Variants in PRSS23 observed in about 807,000 individuals in gnomAD.
The protein encoded by PRSS23 is protease, serine 23.
Under a neutral mutation model 34.7 loss-of-function variants are expected in PRSS23, and 25 were observed. That is an observed-to-expected ratio of 0.72 (90% CI 0.53 to 1.01). The LOEUF (loss-of-function observed/expected upper bound fraction) is 1.01, where lower values mean the gene tolerates loss of function less well. Among genes scored for constraint, PRSS23 ranks in the 50% least tolerant of loss-of-function variants. PRSS23 has a pLI of 0.00. For missense variants in PRSS23, 445 were observed against 475.6 expected (o/e 0.94, Z 0.60); for synonymous variants, 176 against 186.6 (o/e 0.94, Z 0.46).
intron 2 of PRSS23, among the ~76,000 whole-genome samples, chr11:86,824,361 A>AAAATAAAATAAAATAAAATAAAAT (rs1193672467): frequency 1.2e-3 from 182 of 149,326 alleles, no homozygotes; most frequent in African/African-American, 4.2e-3. Context: ...AAAATAAAAT[A>AAAATAAAATAAAATAAAATAAAAT]AAATAAAATA....
At chr11:86,888,064 C>A (rs1399033213) in intron 2 of PRSS23, among the ~76,000 whole-genome samples, 58 of 133,388 alleles carry the variant, frequency 4.3e-4, no homozygotes, top group Non-Finnish European at 6.5e-4. Flanking sequence ...AAAAAAAAAA[C>A]AAAAACAAAA....
intron 2 of PRSS23, among the ~76,000 whole-genome samples, chr11:86,924,307 A>G (rs1949066293): frequency 6.6e-6 from 1 of 152,192 alleles, no homozygotes. Context: ...GAATGTGCTC[A>G]GAGAAGAAAG....
chr11:86,821,083 T>C (rs1205438029), intron 1 of PRSS23: 8 of 367,712 alleles, frequency 2.2e-5, no homozygotes, highest in African/African-American at 2.2e-5. Flanking sequence ...TAAAATGATA[T>C]ATACAGTACA....
intron 2 of PRSS23, among the ~76,000 whole-genome samples, chr11:86,919,916 G>T (rs1336017642): frequency 1.3e-5 from 2 of 152,270 alleles, no homozygotes; most frequent in Admixed American, 1.3e-4. Context: ...TCTCCCCCTA[G>T]ATTCAGAAAA....
chr11:86,808,710 A>C lies in PRSS23; in HGVS notation c.1067A>C (p.Asn356Thr). 1 of 1,614,158 alleles carries C rather than the reference A, an allele frequency of 6.2e-7. No individual in the cohort carries two copies. The change falls in exon 2 of 2, where the codon AAC becomes ACC. Residue 356 changes from asparagine (N) to threonine (T), a missense_variant. Coordinates refer to ENST00000280258, the MANE Select transcript of PRSS23 (RefSeq NM_007173.6). ...ATGAATGGTTCCCCACAGGATTTCA[A>C]CGTGGCTGTCAGAATCACTCCTCTC... is the stretch of plus-strand genomic sequence containing the variant. ...VDMNGSPQDF[N>T]VAVRITPLKY...
At chr11:86,794,142 T>G (rs1947967219) in intron 1 of PRSS23, among the ~76,000 whole-genome samples, 1 of 152,134 alleles carries the variant, frequency 6.6e-6, no homozygotes, top group Non-Finnish European at 1.5e-5. Flanking sequence ...CCAACATTTA[T>G]GGATAAATAT....
At chr11:86,861,638 T>C (rs1233374818) in intron 2 of PRSS23, among the ~76,000 whole-genome samples, 1 of 151,680 alleles carries the variant, frequency 6.6e-6, no homozygotes, top group Non-Finnish European at 1.5e-5. Context: ...GATATTACTC[T>C]TCATATTGCA....
intron 1 of PRSS23, among the ~76,000 whole-genome samples, chr11:86,817,427 C>G (rs1289041927): frequency 6.6e-6 from 1 of 152,186 alleles, no homozygotes; most frequent in Non-Finnish European, 1.5e-5. Context: ...TAGAACTTTT[C>G]TAAATGGCTG....
intron 2 of PRSS23, among the ~76,000 whole-genome samples, chr11:86,930,608 A>T (rs1949117625): frequency 6.6e-6 from 1 of 152,016 alleles, no homozygotes; most frequent in Non-Finnish European, 1.5e-5. Context: ...TAGCAAACAC[A>T]GTGAAACCCC....
chr11:86,838,682 T>C (rs554531992), intron 2 of PRSS23, among the ~76,000 whole-genome samples: 1 of 152,304 alleles, frequency 6.6e-6, no homozygotes, highest in South Asian at 2.1e-4. Context: ...AGTGGGTCCC[T>C]GAACCCTGTG....
intron 2 of PRSS23, among the ~76,000 whole-genome samples, chr11:86,831,861 C>T (rs945864976): frequency 1.3e-5 from 2 of 151,956 alleles, no homozygotes; most frequent in African/African-American, 4.8e-5. Flanking sequence ...CAGTGTTCCT[C>T]CTAATGTCAC....
chr11:86,940,780 T>G (rs976564483), intron 2 of PRSS23: 3 of 152,226 alleles, frequency 2.0e-5, no homozygotes, highest in African/African-American at 7.2e-5. Context: ...ATTCACACAT[T>G]TATCCTTTTC....
At chr11:86,952,554 T>C (rs892755821) in exon 3 of PRSS23, 3 of 1,466,314 alleles carry the variant, frequency 2.0e-6, no homozygotes, top group Admixed American at 1.7e-5. Context: ...CTGAGTTGAA[T>C]GCTTCCAGGC....
chr11:86,861,583 C>T (rs375364819), intron 2 of PRSS23, among the ~76,000 whole-genome samples: 3 of 151,576 alleles, frequency 2.0e-5, no homozygotes, highest in South Asian at 4.2e-4. Flanking sequence ...GGGCGGACAC[C>T]CTTCTGTGAT....
At chr11:86,913,378 TAGCCTTC>T (rs1948990990) in intron 2 of PRSS23, among the ~76,000 whole-genome samples, 1 of 149,104 alleles carries the variant, frequency 6.7e-6, no homozygotes, top group African/African-American at 2.5e-5. Flanking sequence ...TTCTTCTCCA[TAGCCTTC>T]AGGTTTGTAT....
At chr11:86,878,562 G>A (rs1047492825) in intron 2 of PRSS23, among the ~76,000 whole-genome samples, 1 of 152,172 alleles carries the variant, frequency 6.6e-6, no homozygotes, top group East Asian at 1.9e-4. Flanking sequence ...GGTTCACTCA[G>A]TGCTCAATGG....
intron 2 of PRSS23, among the ~76,000 whole-genome samples, chr11:86,833,835 A>C (rs1343274496): frequency 1.3e-5 from 2 of 152,052 alleles, no homozygotes; most frequent in Non-Finnish European, 2.9e-5. Context: ...GGAAAACCCA[A>C]GTACTGTTGG....
chr11:86,824,925 T>C (rs559952884), intron 2 of PRSS23, among the ~76,000 whole-genome samples: 9 of 152,306 alleles, frequency 5.9e-5, no homozygotes, highest in Admixed American at 2.6e-4. Flanking sequence ...TTGTGAATAG[T>C]GCCACAATAA....
chr11:86,925,864 G>T (rs932392490), intron 2 of PRSS23, among the ~76,000 whole-genome samples: 1 of 152,162 alleles, frequency 6.6e-6, no homozygotes, highest in Non-Finnish European at 1.5e-5. Context: ...CATAGCAAAT[G>T]TGCTACTTTT....
Sources: allele counts gnomAD v4.1 joint callset (sites outside exome capture counted in the v4.1 genomes callset), GRCh38; gene constraint gnomAD v4.1.1; transcripts MANE v1.5; gene names NCBI Gene and HGNC (gene_info 2026-07-23, HGNC 2026-07-21).